The following FOXP2 variants were observed in gnomAD, a reference collection of about 807,000 sequenced individuals.
FOXP2 encodes forkhead box protein P2.
In FOXP2, 12 loss-of-function variants were observed where a neutral mutation model predicts 115.8. The observed-to-expected ratio is 0.10, with a 90% CI of 0.07 to 0.17. FOXP2 has a LOEUF of 0.17. Among genes scored for constraint, FOXP2 ranks in the 10% least tolerant of loss-of-function variants. The probability of loss-of-function intolerance (pLI) is 1.00; values close to 1 mark genes in which losing one functional copy is unlikely to be tolerated. For missense variants in FOXP2, 629 were observed against 843.5 expected, an observed-to-expected ratio of 0.75 and a Z score of 3.15; for synonymous variants, 328 against 297.7, an observed-to-expected ratio of 1.10 and a Z score of -1.05.
At chr7:114,571,850 A>G (rs1563007081) in intron 3 of FOXP2, among the ~76,000 whole-genome samples, 1 of 151,780 alleles carries the variant, frequency 6.6e-6, no homozygotes, top group Non-Finnish European at 1.5e-5. Context: ...AATCCCCTAC[A>G]CATACCGAAG....
chr7:114,338,143 A>G (rs965485336), intron 2 of FOXP2, among the ~76,000 whole-genome samples: 2 of 151,082 alleles, frequency 1.3e-5, no homozygotes, highest in Non-Finnish European at 3.0e-5. Flanking sequence ...TTATATTTTC[A>G]ATTATGTGGA....
intron 1 of FOXP2, among the ~76,000 whole-genome samples, chr7:114,139,239 G>T (rs538857497): frequency 1.3e-5 from 2 of 152,174 alleles, no homozygotes; most frequent in African/African-American, 4.8e-5. Context: ...GAATGTTTAA[G>T]TAACTTTAAG....
chr7:114,086,530 G>A (rs762493092), upstream of FOXP2: 3 of 397,206 alleles, frequency 7.6e-6, no homozygotes, highest in South Asian at 1.7e-5. Context: ...GGACTCGCGC[G>A]TGGGTGTGTT....
chr7:114,410,387 C>T (rs866894219), upstream of FOXP2, among the ~76,000 whole-genome samples: 3 of 152,132 alleles, frequency 2.0e-5, no homozygotes, highest in Admixed American at 6.6e-5. Context: ...AGAAAGAACA[C>T]AGGCATTTGA....
chr7:114,110,246 C>T (rs1189007982), intron 1 of FOXP2, among the ~76,000 whole-genome samples: 1 of 152,148 alleles, frequency 6.6e-6, no homozygotes, highest in Non-Finnish European at 1.5e-5. Context: ...CTTATGCACA[C>T]ACCTTTTTCC....
rs755218684 is a variant in FOXP2 at position 114,689,764 on chromosome 7, T to C, written c.2004-18T>C. ...TTGCTTACTTAGTAAAATTTTGGTGTATCTACATGTTTTTCAGACATTCAA... is the reference window on the plus strand; with the variant it reads ...TTGCTTACTTAGTAAAATTTTGGTGCATCTACATGTTTTTCAGACATTCAA... On this transcript the variant is annotated intron_variant, in intron 16 of 16. Transcript: ENST00000350908. The C allele has an allele frequency of 1.1e-5, 17 of 1,612,774 alleles. No individual in the cohort carries two copies. The highest frequency in any genetic ancestry group is 6.7e-5 in the Admixed American group (4 of 59,872).
At chr7:114,583,393 A>G (rs1039370035) in intron 3 of FOXP2, among the ~76,000 whole-genome samples, 1 of 151,938 alleles carries the variant, frequency 6.6e-6, no homozygotes. Context: ...AAAGCAAAAA[A>G]CAAGAAACTT....
intron 1 of FOXP2, among the ~76,000 whole-genome samples, chr7:114,101,702 A>G (rs963631123): frequency 3.3e-5 from 5 of 152,092 alleles, no homozygotes; most frequent in African/African-American, 1.2e-4. Flanking sequence ...CTTATGTATT[A>G]TGTCTGTTTT....
intron 1 of FOXP2, among the ~76,000 whole-genome samples, chr7:114,103,079 T>C (rs1252315945): frequency 6.6e-6 from 1 of 152,044 alleles, no homozygotes; most frequent in Admixed American, 6.6e-5. Flanking sequence ...TACATAATTT[T>C]ACCAGAGTTC....
intron 5 of FOXP2, 100 bp downstream of exon 5, chr7:114,630,105 C>T: frequency 6.3e-7 from 1 of 1,590,168 alleles, no homozygotes; most frequent in Non-Finnish European, 8.5e-7. Flanking sequence ...AAGGCTCTTG[C>T]TGTCAAAGTT....
At chr7:114,222,624 TGTA>T (rs1794652458) in intron 1 of FOXP2, among the ~76,000 whole-genome samples, 1 of 152,232 alleles carries the variant, frequency 6.6e-6, no homozygotes, top group African/African-American at 2.4e-5. Flanking sequence ...ATTATAAGGT[TGTA>T]GTAGAAGAAA....
At chr7:114,296,403 A>G (rs577318956) in intron 2 of FOXP2, among the ~76,000 whole-genome samples, 9 of 152,206 alleles carry the variant, frequency 5.9e-5, no homozygotes, top group Non-Finnish European at 1.2e-4. Flanking sequence ...TAGCTTACCC[A>G]AAGATAGTAT....
In FOXP2 at chr7:114,525,165, T is replaced by C. The variant is rs79686922; in HGVS notation, c.169-9452T>C. On this transcript the variant is annotated intron_variant, in intron 2 of 16. Transcript: ENST00000350908. ...ACCTTTTTAGCAAACCCACTAAAGC[T>C]AGTAATCAGGAGTTAGTTTCAAATG... is the stretch of plus-strand genomic sequence containing the variant. 2.3e-3 allele frequency among the ~76,000 whole-genome samples: 343 copies of C among 152,294 alleles called. 2 individuals are homozygous for C. Among genetic ancestry groups the C allele is most frequent in the African/African-American group, 7.9e-3 (328 of 41,564 alleles).
chr7:114,412,842 T>G (rs945801153), upstream of FOXP2, among the ~76,000 whole-genome samples: 34 of 152,124 alleles, frequency 2.2e-4, no homozygotes, highest in African/African-American at 7.7e-4. Flanking sequence ...AACCCAGCTT[T>G]TTGCAAAGAG....
intron 8 of FOXP2, among the ~76,000 whole-genome samples, chr7:114,649,247 A>T (rs892895138): frequency 2.0e-5 from 3 of 152,132 alleles, no homozygotes; most frequent in Non-Finnish European, 4.4e-5. Flanking sequence ...TAACAACCCC[A>T]CTTGGTCCTT....
intron 1 of FOXP2, among the ~76,000 whole-genome samples, chr7:114,142,206 A>G (rs1377253306): frequency 6.6e-6 from 1 of 152,006 alleles, no homozygotes; most frequent in African/African-American, 2.4e-5. Flanking sequence ...TGTTTTTAGT[A>G]GAGACAGGGG....
In FOXP2 at chr7:114,611,316, A is replaced by G. The variant is rs549043038; in HGVS notation, c.259-17224A>G. Among the ~76,000 whole-genome samples, 3 of 152,332 alleles carry G rather than the reference A, an allele frequency of 2.0e-5. No individual in the cohort carries two copies. In the East Asian group the frequency reaches 5.8e-4, roughly 29 times the overall value. On this transcript the variant is annotated intron_variant, in intron 3 of 16. Transcript: ENST00000350908. The stretch of plus-strand genomic sequence containing the variant: ...TATTCATTTTCACTTTAGTATTTAA[A>G]GGGCTGGTATGTTGAAAAAGCTGTA...
intron 2 of FOXP2, among the ~76,000 whole-genome samples, chr7:114,486,543 T>C (rs1399259409): frequency 2.0e-5 from 3 of 151,990 alleles, no homozygotes; most frequent in African/African-American, 7.3e-5. Flanking sequence ...TCCCCCAAAG[T>C]CTTAACTCAT....
intron 2 of FOXP2, among the ~76,000 whole-genome samples, chr7:114,390,635 C>T (rs1438215610): frequency 6.6e-6 from 1 of 151,998 alleles, no homozygotes; most frequent in Non-Finnish European, 1.5e-5. Flanking sequence ...CTCACTGGAG[C>T]CTGAACCTCC....
Sources: allele counts gnomAD v4.1 joint callset (sites outside exome capture counted in the v4.1 genomes callset), GRCh38; gene constraint gnomAD v4.1.1; transcripts MANE v1.5; gene names NCBI Gene and HGNC (gene_info 2026-07-23, HGNC 2026-07-21).